The following CSMD3 variants were observed in gnomAD, a reference collection of about 807,000 sequenced individuals.
CSMD3 encodes CUB and sushi domain-containing protein 3.
A neutral mutation model predicts 435.2 loss-of-function variants in CSMD3; 177 were observed. That is an observed-to-expected ratio of 0.41 (90% CI 0.36 to 0.46). The LOEUF is 0.46. Ranked by LOEUF, CSMD3 falls within the 20% of genes least tolerant of loss-of-function variation. The pLI, the probability that CSMD3 is intolerant of heterozygous loss-of-function variation, is 0.34. For synonymous variants in CSMD3, 1,656 were observed against 1,520.5 expected, an observed-to-expected ratio of 1.09 and a Z score of -2.07; for missense variants, 4,265 against 4,504.6, an observed-to-expected ratio of 0.95 and a Z score of 1.52.
intron 5 of CSMD3, among the ~76,000 whole-genome samples, chr8:113,070,366 G>T (rs1354597966): frequency 6.6e-6 from 1 of 151,954 alleles, no homozygotes; most frequent in East Asian, 1.9e-4. Context: ...TGAGAAAATT[G>T]GTGGCATTAA....
At chr8:113,112,876 T>A (rs2090705253) in intron 4 of CSMD3, among the ~76,000 whole-genome samples, 2 of 152,322 alleles carry the variant, frequency 1.3e-5, no homozygotes, top group Admixed American at 1.3e-4. Context: ...GTTTTATATT[T>A]TGTTTTGCAA....
At chr8:113,351,698 A>AAGC (rs2094191511) in intron 1 of CSMD3, among the ~76,000 whole-genome samples, 1 of 152,138 alleles carries the variant, frequency 6.6e-6, no homozygotes, top group Non-Finnish European at 1.5e-5. Flanking sequence ...CTTTGCAGAT[A>AAGC]TTATCTAGTT....
chr8:112,641,572 C>A (rs1436331060), intron 20 of CSMD3, among the ~76,000 whole-genome samples: 1 of 152,062 alleles, frequency 6.6e-6, no homozygotes, highest in African/African-American at 2.4e-5. Context: ...TCTGGTGGCT[C>A]ACACCTGTAA....
intron 64 of CSMD3, among the ~76,000 whole-genome samples, chr8:112,246,157 A>G (rs183685188): frequency 6.6e-6 from 1 of 152,326 alleles, no homozygotes; most frequent in East Asian, 1.9e-4. Flanking sequence ...AACAAGGCAC[A>G]TAACATGGCA....
At chr8:112,726,977 A>G (rs2076980171) in intron 13 of CSMD3, among the ~76,000 whole-genome samples, 1 of 151,828 alleles carries the variant, frequency 6.6e-6, no homozygotes, top group South Asian at 2.1e-4. Flanking sequence ...ATGACCAAGC[A>G]AAGAATTCTA....
intron 11 of CSMD3, among the ~76,000 whole-genome samples, chr8:112,838,804 A>G (rs2080099900): frequency 6.6e-6 from 1 of 151,758 alleles, no homozygotes; most frequent in Non-Finnish European, 1.5e-5. Context: ...ATTCATGTTA[A>G]TGATGTTTAA....
chr8:112,518,491 T>C (rs1477690559), intron 27 of CSMD3, among the ~76,000 whole-genome samples: 2 of 151,966 alleles, frequency 1.3e-5, no homozygotes, highest in African/African-American at 4.8e-5. Context: ...TATAAGTGAA[T>C]TTGTTTTGTA....
chr8:113,400,586 GA>G (rs1041633248), intron 1 of CSMD3, among the ~76,000 whole-genome samples: 54 of 151,864 alleles, frequency 3.6e-4, no homozygotes, highest in Middle Eastern at 3.4e-3. Flanking sequence ...GCTACAGGGG[GA>G]AAAAATAATT....
rs151214674 is a variant in CSMD3, at chr8:113,236,354, T to C, written c.514+42238A>G. Among the ~76,000 whole-genome samples, 26 of 152,248 alleles carry C rather than the reference T, an allele frequency of 1.7e-4. 1 individual carries two copies. Among genetic ancestry groups the C allele is most frequent in the African/African-American group, 6.0e-4 (25 of 41,560 alleles). The stretch of plus-strand genomic sequence containing the variant: ...CTCAGAGTGTACTTTTGCTTTGCAG[T>C]AAACTTCTTTGCTTACTCTTACTTT... On this transcript the variant is annotated intron_variant, in intron 3 of 70. Transcript: ENST00000297405.
chr8:112,784,706 T>C (rs2078491956), intron 13 of CSMD3, among the ~76,000 whole-genome samples: 3 of 151,992 alleles, frequency 2.0e-5, no homozygotes, highest in Non-Finnish European at 2.9e-5. Context: ...CCTACCAACA[T>C]TGAAACATAA....
rs187089510 is a variant in CSMD3 at position 112,533,001 on chromosome 8, G to C, written c.4565-15776C>G. On this transcript the variant is annotated intron_variant, in intron 27 of 70. Coordinates refer to ENST00000297405, the MANE Select transcript of CSMD3 (RefSeq NM_198123.2). ...GGGCTTTATAGATATTTCTTTGTTTGTTTCTGTGCTTTTCTCTGCCACTAA... is the reference window on the plus strand; with the variant it reads ...GGGCTTTATAGATATTTCTTTGTTTCTTTCTGTGCTTTTCTCTGCCACTAA... Among the ~76,000 whole-genome samples, 172 of 152,138 alleles carry C rather than the reference G, an allele frequency of 1.1e-3. 1 individual carries two copies. Among genetic ancestry groups the C allele is most frequent in the African/African-American group, 4.0e-3 (165 of 41,560 alleles).
At chr8:112,237,091 T>A in intron 67 of CSMD3, 99 bp downstream of exon 67, 1 of 1,357,868 alleles carries the variant, frequency 7.4e-7, no homozygotes. Context: ...TGTATCAAAA[T>A]AAACATTTCA....
At chr8:113,075,243 C>T (rs1178814403) in intron 5 of CSMD3, among the ~76,000 whole-genome samples, 2 of 151,684 alleles carry the variant, frequency 1.3e-5, no homozygotes, top group African/African-American at 4.8e-5. Flanking sequence ...CCATTGACAT[C>T]GTGAATCCCA....
intron 5 of CSMD3, among the ~76,000 whole-genome samples, chr8:113,064,454 A>G (rs1478581914): frequency 6.6e-6 from 1 of 152,188 alleles, no homozygotes; most frequent in African/African-American, 2.4e-5. Context: ...TAAATAAATT[A>G]TGCAAAACTT....
chr8:113,079,988 A>T (rs980533379), intron 5 of CSMD3, among the ~76,000 whole-genome samples: 37 of 152,036 alleles, frequency 2.4e-4, no homozygotes, highest in Non-Finnish European at 3.2e-4. Context: ...CTAAGTTGAG[A>T]TGCTCTTTTT....
intron 3 of CSMD3, among the ~76,000 whole-genome samples, chr8:113,191,873 G>GC (rs1188687321): frequency 1.3e-5 from 2 of 151,550 alleles, no homozygotes; most frequent in Non-Finnish European, 3.0e-5. Flanking sequence ...TCCCTCCAAT[G>GC]CATGTGTTCC....
rs1478129426 is a variant in CSMD3 at position 113,118,715 on chromosome 8, GT to G, written c.710-19753del. On this transcript the variant is annotated intron_variant, in intron 4 of 70. Transcript: ENST00000297405. ...ATAGTGCATTTTTATTAACTTTAAT[GT>G]TTCCAGCAGTCTCAGTTTCAGGTTT... 4.6e-5 allele frequency among the ~76,000 whole-genome samples: 7 copies of G among 152,228 alleles called. No individual in the cohort carries two copies. In the East Asian group the frequency reaches 1.4e-3, roughly 29 times the overall value.
intron 6 of CSMD3, among the ~76,000 whole-genome samples, chr8:112,983,811 T>TTCTTTAAAGA (rs1397263968): frequency 6.6e-6 from 1 of 151,894 alleles, no homozygotes; most frequent in Non-Finnish European, 1.5e-5. Flanking sequence ...TGTGGGTGGC[T>TTCTTTAAAGA]AGGAAGGGCT....
intron 9 of CSMD3, among the ~76,000 whole-genome samples, chr8:112,944,095 C>T (rs1255411489): frequency 6.6e-6 from 1 of 151,636 alleles, no homozygotes; most frequent in Non-Finnish European, 1.5e-5. Context: ...CAAGCTTGCT[C>T]TCCCACTCTT....
Sources: gnomAD v4.1 joint callset for allele counts (sites outside exome capture counted in the v4.1 genomes callset) on GRCh38, gnomAD v4.1.1 for gene constraint, MANE v1.5 for transcripts, NCBI Gene and HGNC (gene_info 2026-07-23, HGNC 2026-07-21) for gene names.